Variants in PITRM1 observed in about 807,000 individuals in gnomAD.
PITRM1 encodes the protein pitrilysin metallopeptidase 1, also known as presequence protease, mitochondrial.
A neutral mutation model predicts 129.9 loss-of-function variants in PITRM1; 100 were observed. The ratio of observed to expected loss-of-function variants is 0.77; its 90% confidence interval spans 0.65 to 0.91. PITRM1 has a LOEUF of 0.91. PITRM1 is among the 40% of genes least tolerant of loss of function. The pLI is 0.00. For synonymous variants in PITRM1, 591 were observed against 508.8 expected, an observed-to-expected ratio of 1.16 and a Z score of -2.17; for missense variants, 1,471 against 1,318.3, an observed-to-expected ratio of 1.12 and a Z score of -1.79.
Position 3,142,334 on chromosome 10 carries a change from C to CA in PITRM1, c.2645+1054dup, listed in dbSNP as rs1213058665. Among the ~76,000 whole-genome samples, 3 of 152,250 alleles carry CA rather than the reference C, an allele frequency of 2.0e-5. 1 individual carries two copies. The highest frequency in any genetic ancestry group is 2.0e-4 in the Admixed American group (3 of 15,290). ...TCTGTGACCCTCTGTGACACACGTG[C>CA]ACCTCGGAGGCCCGGCTCCTTCTCC... On this transcript the variant is annotated intron_variant, in intron 23 of 26. Coordinates refer to ENST00000224949, the MANE Select transcript of PITRM1 (RefSeq NM_014889.4).
Position 3,158,244 on chromosome 10 carries a change from G to A in PITRM1, c.1137-91C>T, listed in dbSNP as rs147125821. 2,825 of 737,828 alleles carry A rather than the reference G, an allele frequency of 3.8e-3. 14 individuals carry two copies. The highest frequency in any genetic ancestry group is 0.019 in the Middle Eastern group (84 of 4,372). The allele number at this position is 737,828 out of a possible 1,614,324, so 45.7% of individuals were successfully genotyped here. A position where few individuals can be genotyped will look rare whatever the true frequency, so the allele number is the denominator to read the frequency against. On this transcript the variant is annotated intron_variant, in intron 10 of 26. Transcript: ENST00000224949. The stretch of plus-strand genomic sequence containing the variant: ...CTTGATTTAAAGATCAGAACGAAGC[G>A]CCTTAAACTCCAGCCCCTCCACTGA...
At chr10:3,158,248 T>C in intron 10 of PITRM1, 95 bp from the exon 11 acceptor site, 2 of 719,352 alleles carry the variant, frequency 2.8e-6, no homozygotes, top group Non-Finnish European at 4.8e-6. Flanking sequence ...CGAAGCGCCT[T>C]AAACTCCAGC....
At position 3,137,876 on chromosome 10, in the gene PITRM1, TAAGA is replaced by T. The variant is rs997522610; in HGVS notation, c.*151_*154del. 1.7e-4 allele frequency: 104 copies of T among 604,944 alleles called. No individual in the cohort carries two copies. The highest frequency in any genetic ancestry group is 1.3e-3 in the African/African-American group (72 of 53,864). The allele number at this position is 604,944 out of a possible 1,614,324, so 37.5% of individuals were successfully genotyped here. A position where few individuals can be genotyped will look rare whatever the true frequency, so the allele number is the denominator to read the frequency against. On this transcript the variant is annotated 3_prime_UTR_variant, in exon 27 of 27. Coordinates refer to ENST00000224949, the MANE Select transcript of PITRM1 (RefSeq NM_014889.4). ...CAATGAACCTCTTCCTGGTCACTCT[TAAGA>T]TAGATCTGAGTTTTTGACTCGCCAG... is the stretch of plus-strand genomic sequence containing the variant.
intron 24 of PITRM1, 103 bp from the exon 25 acceptor site, chr10:3,139,152 G>T: frequency 2.1e-6 from 2 of 959,264 alleles, no homozygotes; most frequent in African/African-American, 1.6e-5. Context: ...TGGGTTAACA[G>T]CTCTATTTTA....
At chr10:3,171,462 T>C (rs1424424805) in intron 1 of PITRM1, among the ~76,000 whole-genome samples, 1 of 152,148 alleles carries the variant, frequency 6.6e-6, no homozygotes, top group Non-Finnish European at 1.5e-5. Flanking sequence ...TTTTCTTTTT[T>C]GAGACAGATC....
chr10:3,171,073 C>G lies in PITRM1; in HGVS notation c.57-867G>C, dbSNP rs188129693. The stretch of plus-strand genomic sequence containing the variant: ...ACAGACAAAAATGTCAGCACGAACC[C>G]TGACAGTCCCAAACTCAACTCACCC... On this transcript the variant is annotated intron_variant, in intron 1 of 26. Coordinates refer to ENST00000224949, the MANE Select transcript of PITRM1 (RefSeq NM_014889.4). Among the ~76,000 whole-genome samples the G allele has an allele frequency of 5.8e-3, 852 of 145,868 alleles. 7 individuals are homozygous for G. The highest frequency in any genetic ancestry group is 0.021 in the African/African-American group (823 of 39,784).
At chr10:3,165,788 G>T (rs937423769) in intron 4 of PITRM1, among the ~76,000 whole-genome samples, 1 of 152,188 alleles carries the variant, frequency 6.6e-6, no homozygotes, top group East Asian at 1.9e-4. Flanking sequence ...ACTCTCTCAA[G>T]TTTCTCCAGA....
At chr10:3,163,240 T>C (rs1468534905) in intron 7 of PITRM1, 1 of 152,284 alleles carries the variant, frequency 6.6e-6, no homozygotes, top group African/African-American at 2.4e-5. Flanking sequence ...TTATATAAGA[T>C]ATATGACTAT....
chr10:3,163,661 G>T, intron 7 of PITRM1, 64 bp downstream of exon 7: 1 of 1,371,934 alleles, frequency 7.3e-7, no homozygotes, highest in Non-Finnish European at 1.0e-6. Context: ...GCCATAAACT[G>T]TTAAGAACAC....
intron 25 of PITRM1, 110 bp downstream of exon 25, chr10:3,138,794 T>C (rs982706675): frequency 1.0e-6 from 1 of 986,964 alleles, no homozygotes; most frequent in Non-Finnish European, 1.6e-6. Flanking sequence ...CAAGCAAGGA[T>C]GGAGGCACCA....
At chr10:3,153,792 T>C (rs1841731248) in intron 14 of PITRM1, among the ~76,000 whole-genome samples, 1 of 152,238 alleles carries the variant, frequency 6.6e-6, no homozygotes, top group Non-Finnish European at 1.5e-5. Flanking sequence ...CGTCCACTCT[T>C]ACCTCCTGAC....
intron 1 of PITRM1, among the ~76,000 whole-genome samples, chr10:3,172,429 C>A (rs1199375128): frequency 6.6e-6 from 1 of 152,222 alleles, no homozygotes; most frequent in Non-Finnish European, 1.5e-5. Flanking sequence ...CCATTTACTA[C>A]CCCCGTTAAA....
chr10:3,155,573 C>T lies in PITRM1; in HGVS notation c.1621+18G>A, dbSNP rs746690608. 5.0e-6 allele frequency: 8 copies of T among 1,613,454 alleles called. No individual in the cohort carries two copies. Among genetic ancestry groups the T allele is most frequent in the East Asian group, 4.5e-5 (2 of 44,858 alleles). On this transcript the variant is annotated intron_variant, in intron 14 of 26. Coordinates refer to ENST00000224949, the MANE Select transcript of PITRM1 (RefSeq NM_014889.4). The stretch of plus-strand genomic sequence containing the variant: ...AGTGCAGGTTAGGGACTCGCCAGCT[C>T]GGAAGGAAGCCTCTGACCTTTCTCG...
chr10:3,151,182 G>A (rs1278893626), intron 15 of PITRM1, 65 bp downstream of exon 15: 2 of 859,618 alleles, frequency 2.3e-6, no homozygotes. Context: ...CTGCTTCTGT[G>A]AGGAGTGACA....
chr10:3,160,054 T>G, intron 8 of PITRM1, 118 bp from the exon 9 acceptor site: 1 of 1,244,740 alleles, frequency 8.0e-7, no homozygotes, highest in African/African-American at 1.5e-5. Flanking sequence ...AACTTTCCTT[T>G]CAAACAAATT....
In PITRM1 at chr10:3,155,678, C is replaced by T. The variant is rs773428568; in HGVS notation, c.1534G>A (p.Glu512Lys). The T allele has an allele frequency of 2.5e-6, 4 of 1,613,906 alleles. No homozygotes were observed. Among genetic ancestry groups the T allele is most frequent in the South Asian group, 2.2e-5 (2 of 91,076 alleles). ...GTGGCTTCCACCTGTGCCTGCTTCT[C>T]GTGATACTTGTCATCTGGCCTCATC... Reference protein sequence around the residue: ...LSMRPDDKYHEKQAQVEATKL... With the variant: ...LSMRPDDKYHKKQAQVEATKL... The change falls in exon 14 of 27, where the codon GAG becomes AAG. Residue 512 changes from glutamate to lysine, a missense_variant. Transcript: ENST00000224949.
At chr10:3,170,010 G>A (rs1304340469) in intron 2 of PITRM1, 94 bp downstream of exon 2, 3 of 841,714 alleles carry the variant, frequency 3.6e-6, no homozygotes, top group Middle Eastern at 3.2e-4. Flanking sequence ...GGACAAAAAC[G>A]CTAGTCTCCG....
chr10:3,149,585 T>A, intron 16 of PITRM1, 36 bp downstream of exon 16: 1 of 1,512,504 alleles, frequency 6.6e-7, no homozygotes, highest in South Asian at 1.3e-5. Flanking sequence ...AAAGCAGACA[T>A]TAATAAGACA....
At position 3,155,683 on chromosome 10, in the gene PITRM1, T is replaced by C. The variant is rs1564413979; in HGVS notation, c.1529A>G (p.Tyr510Cys). 1 of 1,613,982 alleles carries C rather than the reference T, an allele frequency of 6.2e-7. No individual in the cohort carries two copies. Among genetic ancestry groups the C allele is most frequent in the Non-Finnish European group, 8.5e-7 (1 of 1,179,886 alleles). ...LTLSMRPDDK[Y>C]HEKQAQVEAT... Reference sequence around the variant, plus strand: ...TTCCACCTGTGCCTGCTTCTCGTGATACTTGTCATCTGGCCTCATCGATAA... The same window carrying C: ...TTCCACCTGTGCCTGCTTCTCGTGACACTTGTCATCTGGCCTCATCGATAA... The change falls in exon 14 of 27, where the codon TAT (tyrosine) becomes TGT (cysteine). Residue 510 changes from tyrosine to cysteine, a missense_variant. Tyr to Cys is a radical substitution (Grantham distance 194). Coordinates refer to ENST00000224949, the MANE Select transcript of PITRM1 (RefSeq NM_014889.4).
Sources: gnomAD v4.1 joint callset for allele counts (sites outside exome capture counted in the v4.1 genomes callset) on GRCh38, gnomAD v4.1.1 for gene constraint, MANE v1.5 for transcripts, NCBI Gene and HGNC (gene_info 2026-07-23, HGNC 2026-07-21) for gene names.